Variants in LPP observed in about 807,000 individuals in gnomAD.
The protein encoded by LPP is lipoma-preferred partner.
LPP carries 38 observed loss-of-function variants against 60.4 expected under a neutral mutation model. That is an observed-to-expected ratio of 0.63 (90% CI 0.49 to 0.83). The LOEUF (loss-of-function observed/expected upper bound fraction) is 0.83, where lower values mean the gene tolerates loss of function less well. LPP is among the 40% of genes least tolerant of loss of function. The probability of loss-of-function intolerance (pLI) is 0.00; values close to 1 mark genes in which losing one functional copy is unlikely to be tolerated. For synonymous variants in LPP, 328 were observed against 290.8 expected, an observed-to-expected ratio of 1.13 and a Z score of -1.30; for missense variants, 902 against 783.6, an observed-to-expected ratio of 1.15 and a Z score of -1.80.
intron 7 of LPP, among the ~76,000 whole-genome samples, chr3:188,638,546 A>T (rs1419358371): frequency 2.0e-5 from 3 of 148,088 alleles, no homozygotes; most frequent in South Asian, 4.4e-4. Context: ...AATAAAGGGT[A>T]TTCAATTAGG....
At chr3:188,162,894 T>C (rs1230256292) in intron 1 of LPP, among the ~76,000 whole-genome samples, 1 of 152,212 alleles carries the variant, frequency 6.6e-6, no homozygotes, top group Non-Finnish European at 1.5e-5. Context: ...TGCTGTTTAA[T>C]ACAGGGTGCT....
chr3:188,589,097 T>C (rs1838112338), intron 6 of LPP, among the ~76,000 whole-genome samples: 1 of 152,002 alleles, frequency 6.6e-6, no homozygotes, highest in African/African-American at 2.4e-5. Flanking sequence ...TGCTTAGTAA[T>C]AGATAGGGGA....
At chr3:188,241,792 G>A (rs1307948214) in intron 2 of LPP, among the ~76,000 whole-genome samples, 1 of 152,170 alleles carries the variant, frequency 6.6e-6, no homozygotes, top group African/African-American at 2.4e-5. Context: ...AATTTAACTT[G>A]TTTTTCTAGA....
chr3:188,342,883 G>A (rs1191335561), intron 3 of LPP, among the ~76,000 whole-genome samples: 3 of 152,088 alleles, frequency 2.0e-5, no homozygotes, highest in African/African-American at 7.2e-5. Flanking sequence ...AGACATAACA[G>A]CCACTTAAGT....
chr3:188,227,340 CCCCCA>C (rs1718177646), intron 2 of LPP, among the ~76,000 whole-genome samples: 2 of 107,938 alleles, frequency 1.9e-5, no homozygotes, highest in Non-Finnish European at 3.6e-5. Flanking sequence ...CTCCCCCCTC[CCCCCA>C]CCCCACAACA....
chr3:188,761,486 C>T (rs944268821), intron 9 of LPP, among the ~76,000 whole-genome samples: 1 of 152,120 alleles, frequency 6.6e-6, no homozygotes, highest in Admixed American at 6.5e-5. Context: ...AGCTTAAACA[C>T]ATGTAGAGCC....
At chr3:188,561,359 A>G (rs185537706) in intron 6 of LPP, among the ~76,000 whole-genome samples, 209 of 152,140 alleles carry the variant, frequency 1.4e-3, no homozygotes, top group African/African-American at 4.9e-3. Context: ...CTCAATAGGT[A>G]GTTACTGTAG....
rs73054793 is a variant in LPP at position 188,573,521 on chromosome 3, G to A, written c.430-35640G>A. 4.7e-3 allele frequency among the ~76,000 whole-genome samples: 710 copies of A among 152,204 alleles called. 8 individuals carry two copies. The highest frequency in any genetic ancestry group is 0.016 in the African/African-American group (673 of 41,528). ...CGTCGTAGCTTAGCAGAGGGGCATTGTCCCAGCGTTTCGGTAGATACTTCC... is the reference window on the plus strand; with the variant it reads ...CGTCGTAGCTTAGCAGAGGGGCATTATCCCAGCGTTTCGGTAGATACTTCC... On this transcript the variant is annotated intron_variant, in intron 6 of 11. Transcript: ENST00000617246.
intron 2 of LPP, among the ~76,000 whole-genome samples, chr3:188,271,049 G>C (rs1334741548): frequency 6.6e-6 from 1 of 152,132 alleles, no homozygotes; most frequent in Non-Finnish European, 1.5e-5. Context: ...AGTTCCTGTG[G>C]AATTCCCCAG....
intron 3 of LPP, among the ~76,000 whole-genome samples, chr3:188,389,005 C>G (rs6773568): frequency 6.6e-6 from 1 of 152,092 alleles, no homozygotes; most frequent in Non-Finnish European, 1.5e-5. Context: ...CCTGACAAAT[C>G]GTGTCCCATG....
intron 2 of LPP, among the ~76,000 whole-genome samples, chr3:188,251,622 C>T (rs1729660278): frequency 6.6e-6 from 1 of 152,092 alleles, no homozygotes; most frequent in East Asian, 1.9e-4. Context: ...GCTAATACCA[C>T]TTACTACACA....
chr3:188,443,077 G>T (rs1794416548), intron 4 of LPP, among the ~76,000 whole-genome samples: 1 of 152,216 alleles, frequency 6.6e-6, no homozygotes, highest in Admixed American at 6.5e-5. Flanking sequence ...AGGGATCATT[G>T]TGATCTTTTC....
At chr3:188,249,677 G>A (rs1728373470) in intron 2 of LPP, among the ~76,000 whole-genome samples, 1 of 151,086 alleles carries the variant, frequency 6.6e-6, no homozygotes, top group South Asian at 2.1e-4. Context: ...ACTTTTTATT[G>A]TAAATGATTT....
intron 9 of LPP, among the ~76,000 whole-genome samples, chr3:188,816,368 A>T (rs1457699216): frequency 2.0e-5 from 3 of 151,416 alleles, no homozygotes; most frequent in Admixed American, 6.6e-5. Context: ...TGCCCGGCTA[A>T]TTTTTTATAT....
At chr3:188,535,231 TCATTG>T (rs1823245496) in intron 6 of LPP, among the ~76,000 whole-genome samples, 1 of 152,224 alleles carries the variant, frequency 6.6e-6, no homozygotes, top group Non-Finnish European at 1.5e-5. Flanking sequence ...GAATTATGTT[TCATTG>T]TATTGAGTCA....
At chr3:188,653,844 T>C (rs1350116115) in intron 7 of LPP, among the ~76,000 whole-genome samples, 1 of 152,180 alleles carries the variant, frequency 6.6e-6, no homozygotes, top group Non-Finnish European at 1.5e-5. Context: ...TGCTTATGAG[T>C]CTTAGATGCA....
At chr3:188,256,463 A>C (rs1247420156) in intron 2 of LPP, among the ~76,000 whole-genome samples, 1 of 152,204 alleles carries the variant, frequency 6.6e-6, no homozygotes, top group African/African-American at 2.4e-5. Context: ...GAATGCATTT[A>C]TGACACCAAA....
chr3:188,291,450 T>A (rs1271561144), intron 2 of LPP, among the ~76,000 whole-genome samples: 2 of 151,764 alleles, frequency 1.3e-5, no homozygotes, highest in African/African-American at 2.4e-5. Flanking sequence ...CCATCCTGGC[T>A]AACACGGTGA....
rs545406640 is a variant in LPP at position 188,306,935 on chromosome 3, T to C, written c.-66-34728T>C. Reference sequence around the variant, plus strand: ...TGGCTCAAAACAACAACAAAGCACGTTGTAAGTCCACACTGCAAATGGCAA... The same window carrying C: ...TGGCTCAAAACAACAACAAAGCACGCTGTAAGTCCACACTGCAAATGGCAA... On this transcript the variant is annotated intron_variant, in intron 2 of 11. Transcript: ENST00000617246. 7.9e-5 allele frequency among the ~76,000 whole-genome samples: 12 copies of C among 152,302 alleles called. No homozygotes were observed. In the South Asian group the frequency reaches 1.9e-3, roughly 24 times the overall value.
Sources: gnomAD v4.1 joint callset for allele counts (sites outside exome capture counted in the v4.1 genomes callset) on GRCh38, gnomAD v4.1.1 for gene constraint, MANE v1.5 for transcripts, NCBI Gene and HGNC (gene_info 2026-07-23, HGNC 2026-07-21) for gene names.